The following SLC25A30 variants were observed in gnomAD, a reference collection of about 807,000 sequenced individuals.
The protein encoded by SLC25A30 is kidney mitochondrial carrier protein 1.
Under a neutral mutation model 42.7 loss-of-function variants are expected in SLC25A30, and 29 were observed. That is an observed-to-expected ratio of 0.68 (90% CI 0.51 to 0.93). SLC25A30 has a LOEUF of 0.93. Among genes scored for constraint, SLC25A30 ranks in the 40% least tolerant of loss-of-function variants. The pLI is 0.00. For missense variants in SLC25A30, 300 were observed against 359.7 expected, an observed-to-expected ratio of 0.83 and a Z score of 1.34; for synonymous variants, 124 against 131.0, an observed-to-expected ratio of 0.95 and a Z score of 0.37.
chr13:45,422,035 G>A (rs1202787494), upstream of SLC25A30, among the ~76,000 whole-genome samples: 1 of 152,122 alleles, frequency 6.6e-6, no homozygotes, highest in Admixed American at 6.5e-5. Context: ...CACTCCCTTA[G>A]GTGGATGATG....
chr13:45,400,016 A>ATATATATATG (rs200703827), intron 7 of SLC25A30, among the ~76,000 whole-genome samples: 3,209 of 101,726 alleles, frequency 0.032, 117 homozygotes, highest in African/African-American at 0.1. Context: ...ATGTATGATT[A>ATATATATATG]TATATATATA....
In SLC25A30 at chr13:45,408,785, A is replaced by C. The variant is rs954971183; in HGVS notation, c.212+142T>G. ...TACTTAGAAATTAGAGTTGAAATTA[A>C]AAGTGAAAAATCTGTCATGCTATTT... On this transcript the variant is annotated intron_variant, in intron 3 of 9. Coordinates refer to ENST00000519676, the MANE Select transcript of SLC25A30 (RefSeq NM_001010875.4). The C allele has an allele frequency of 6.3e-6, 4 of 634,260 alleles. No homozygotes were observed. The African/African-American group carries it at 7.5e-5, about 12-fold the overall frequency. The allele number at this position is 634,260 out of a possible 1,614,324, so 39.3% of individuals were successfully genotyped here.
At chr13:45,419,927 T>C (rs1049267448), upstream of SLC25A30, among the ~76,000 whole-genome samples, 26 of 149,858 alleles carry the variant, frequency 1.7e-4, no homozygotes. Flanking sequence ...TGCTGCACTC[T>C]AGCCTGGGTG....
At chr13:45,408,235 C>T (rs945297992) in intron 3 of SLC25A30, among the ~76,000 whole-genome samples, 1 of 152,188 alleles carries the variant, frequency 6.6e-6, no homozygotes, top group Non-Finnish European at 1.5e-5. Context: ...TCCTTCACCC[C>T]AGCTACTACT....
chr13:45,417,185 A>G (rs1407612838), intron 1 of SLC25A30, among the ~76,000 whole-genome samples: 1 of 152,088 alleles, frequency 6.6e-6, no homozygotes, highest in Non-Finnish European at 1.5e-5. Flanking sequence ...CTAATTTTGT[A>G]TTTTTAGTAG....
chr13:45,404,171 A>G (rs1485644177), intron 5 of SLC25A30, among the ~76,000 whole-genome samples, 156 bp downstream of exon 5: 2 of 152,280 alleles, frequency 1.3e-5, no homozygotes, highest in African/African-American at 4.8e-5. Flanking sequence ...TGGAAAACCC[A>G]CCTCATGGAC....
In SLC25A30 at chr13:45,397,341, G is replaced by T; in HGVS notation, c.754-3C>A. The T allele has an allele frequency of 6.3e-7, 1 of 1,598,724 alleles. No homozygotes were observed. Among genetic ancestry groups the T allele is most frequent in the Non-Finnish European group, 8.5e-7 (1 of 1,170,004 alleles). ...AAAAACCCTTCATTCTTCCATGTCT[G>T]TTAAAAGAAGAAAAAAAAGTTAACT... On this transcript the variant is annotated splice_region_variant and splice_polypyrimidine_tract_variant and intron_variant, in intron 8 of 9. Transcript: ENST00000519676.
At chr13:45,422,880 T>G (rs1348753878), upstream of SLC25A30, among the ~76,000 whole-genome samples, 1 of 152,092 alleles carries the variant, frequency 6.6e-6, no homozygotes, top group Non-Finnish European at 1.5e-5. Flanking sequence ...GCTAAGCCCT[T>G]CTCATCCATC....
At chr13:45,412,005 TG>T (rs762452961) in intron 1 of SLC25A30, 1 of 946 alleles carries the variant, frequency 1.1e-3, no homozygotes, top group African/African-American at 6.1e-3. Flanking sequence ...GAGTCCTTAC[TG>T]GGGGTGGGGG....
the SLC25A30 span, among the ~76,000 whole-genome samples, chr13:45,423,826 A>G: frequency 1.3e-5 from 1 of 75,868 alleles, no homozygotes; most frequent in Admixed American, 2.3e-4. Context: ...ATATAAATAT[A>G]TATTTATATA....
At chr13:45,430,292 A>G in the SLC25A30 span, among the ~76,000 whole-genome samples, 1 of 152,104 alleles carries the variant, frequency 6.6e-6, no homozygotes, top group African/African-American at 2.4e-5. Context: ...GAGTGATAGG[A>G]GTAAAGAGTA....
At chr13:45,427,090 T>C in the SLC25A30 span, among the ~76,000 whole-genome samples, 2 of 152,244 alleles carry the variant, frequency 1.3e-5, no homozygotes, top group Non-Finnish European at 2.9e-5. Flanking sequence ...TGAGATCATT[T>C]ATCTTGAAGA....
chr13:45,395,933 G>A lies in SLC25A30; in HGVS notation c.*41C>T. ...CACAGGAAGCTTTGCTGTTTCAGAA[G>A]TTACCATTTTCAGAAAGATGTCTCA... On this transcript the variant is annotated 3_prime_UTR_variant, in exon 10 of 10. Coordinates refer to ENST00000519676, the MANE Select transcript of SLC25A30 (RefSeq NM_001010875.4). 1 of 1,614,132 alleles carries A rather than the reference G, an allele frequency of 6.2e-7. No individual in the cohort carries two copies.
At chr13:45,423,691 T>TAAAA in the SLC25A30 span, among the ~76,000 whole-genome samples, 239 of 18,016 alleles carry the variant, frequency 0.013, 64 homozygotes, top group African/African-American at 0.1. Flanking sequence ...TATAAATATA[T>TAAAA]ATAAATATAT....
At chr13:45,423,157 G>T (rs74354216), upstream of SLC25A30, among the ~76,000 whole-genome samples, 15 of 152,188 alleles carry the variant, frequency 9.9e-5, 1 homozygote, top group South Asian at 3.1e-3. Flanking sequence ...CACATTTGGA[G>T]AGTCTCTATA....
chr13:45,431,244 A>T, the SLC25A30 span, among the ~76,000 whole-genome samples: 76,941 of 76,966 alleles, frequency 1, 38,458 homozygotes, highest in Middle Eastern at 1. Flanking sequence ...ACAGGGTTTC[A>T]CCATGTTGCC....
intron 4 of SLC25A30, among the ~76,000 whole-genome samples, chr13:45,405,255 A>T (rs1882389466): frequency 6.6e-6 from 1 of 152,216 alleles, no homozygotes; most frequent in South Asian, 2.1e-4. Context: ...AATTCAGACC[A>T]TCATAATTAA....
intron 2 of SLC25A30, among the ~76,000 whole-genome samples, chr13:45,411,077 C>A (rs1451465343): frequency 6.6e-6 from 1 of 151,792 alleles, no homozygotes; most frequent in African/African-American, 2.4e-5. Flanking sequence ...GTAGCGGGGA[C>A]TACAGGCCTG....
chr13:45,409,344 T>C (rs1011955680), intron 2 of SLC25A30, among the ~76,000 whole-genome samples: 2 of 152,222 alleles, frequency 1.3e-5, no homozygotes, highest in African/African-American at 4.8e-5. Context: ...GGCTGCATTG[T>C]TGTAGAAAGC....
Sources: allele counts gnomAD v4.1 joint callset (sites outside exome capture counted in the v4.1 genomes callset), GRCh38; gene constraint gnomAD v4.1.1; transcripts MANE v1.5; gene names NCBI Gene and HGNC (gene_info 2026-07-23, HGNC 2026-07-21).